NT5C2: variants seen among roughly 807,000 people sequenced by gnomAD.
NT5C2 encodes the protein cytosolic purine 5'-nucleotidase.
Under a neutral mutation model 76.1 loss-of-function variants are expected in NT5C2, and 58 were observed. The ratio of observed to expected loss-of-function variants is 0.76; its 90% confidence interval spans 0.62 to 0.95. The LOEUF is 0.95. NT5C2 is among the 40% of genes least tolerant of loss of function. The pLI is 0.00. For synonymous variants in NT5C2, 229 were observed against 237.4 expected, an observed-to-expected ratio of 0.96 and a Z score of 0.32; for missense variants, 478 against 690.3, an observed-to-expected ratio of 0.69 and a Z score of 3.45.
Position 103,125,440 on chromosome 10 carries a change from G to A in NT5C2, c.175+13966C>T, listed in dbSNP as rs554771174. ...ATTGTGGTGGCGTGGAAAGATGATG[G>A]AAAGAAAAAAAAATCACTTCTTACA... On this transcript the variant is annotated intron_variant, in intron 4 of 18. Coordinates refer to ENST00000404739, the MANE Select transcript of NT5C2 (RefSeq NM_001351169.2). 9.1e-4 allele frequency: 223 copies of A among 245,472 alleles called. 1 individual carries two copies. Among genetic ancestry groups the A allele is most frequent in the Non-Finnish European group, 1.5e-3 (183 of 124,858 alleles). 15.2% of individuals were successfully genotyped at this position (245,472 alleles called of 1,614,324 possible). A position where few individuals can be genotyped will look rare whatever the true frequency, so the allele number is the denominator to read the frequency against.
At chr10:103,182,782 C>T (rs1043651022) in intron 1 of NT5C2, among the ~76,000 whole-genome samples, 16 of 152,116 alleles carry the variant, frequency 1.1e-4, no homozygotes, top group Non-Finnish European at 1.9e-4. Flanking sequence ...TTATTTTGGT[C>T]TCTAAATACA....
chr10:103,170,790 G>T (rs993340677), intron 3 of NT5C2, among the ~76,000 whole-genome samples: 1 of 151,928 alleles, frequency 6.6e-6, no homozygotes, highest in Non-Finnish European at 1.5e-5. Context: ...GCCTCCCAAA[G>T]TGTGTGGACT....
At chr10:103,176,688 C>T (rs1309904529) in intron 2 of NT5C2, among the ~76,000 whole-genome samples, 1 of 152,070 alleles carries the variant, frequency 6.6e-6, no homozygotes. Flanking sequence ...GAGACCGGGG[C>T]GAGGGGGTCT....
intron 3 of NT5C2, among the ~76,000 whole-genome samples, chr10:103,155,422 A>G (rs1266489740): frequency 1.3e-5 from 2 of 152,218 alleles, no homozygotes; most frequent in Non-Finnish European, 2.9e-5. Context: ...ACAAAACTTA[A>G]ATGCTGGGAT....
At chr10:103,170,111 A>G (rs2087504925) in intron 3 of NT5C2, among the ~76,000 whole-genome samples, 1 of 152,144 alleles carries the variant, frequency 6.6e-6, no homozygotes, top group African/African-American at 2.4e-5. Context: ...TGGGCTACAG[A>G]GCGAGACTCT....
chr10:103,113,810 T>C (rs1030511743), intron 4 of NT5C2, among the ~76,000 whole-genome samples: 1 of 152,216 alleles, frequency 6.6e-6, no homozygotes, highest in Non-Finnish European at 1.5e-5. Context: ...AACCTATGCA[T>C]GATTTATGTC....
chr10:103,105,660 GTTTGAC>G (rs770599734), intron 6 of NT5C2, 40 bp downstream of exon 6: 22 of 1,240,338 alleles, frequency 1.8e-5, no homozygotes, highest in Non-Finnish European at 2.5e-5. Flanking sequence ...TCTTCACATT[GTTTGAC>G]TTTAACATTA....
rs145269700 is a variant in NT5C2 at position 103,093,360 on chromosome 10, C to T, written c.989-51G>A. 321 of 1,437,400 alleles carry T rather than the reference C, an allele frequency of 2.2e-4. 1 individual carries two copies. In the African/African-American group the frequency reaches 4.2e-3, roughly 19 times the overall value. The allele number at this position is 1,437,400 out of a possible 1,614,324, so 89.0% of individuals were successfully genotyped here. On this transcript the variant is annotated intron_variant, in intron 14 of 18. Coordinates refer to ENST00000404739, the MANE Select transcript of NT5C2 (RefSeq NM_001351169.2). ...AAAACTGTCCCTATATTAAAATCAG[C>T]ATTCCAATAGTATTTAACCATTAAA...
Position 103,089,732 on chromosome 10 carries a change from C to T in NT5C2, c.1626G>A (p.Gln542=), listed in dbSNP as rs935178030. 3.7e-6 allele frequency: 6 copies of T among 1,613,604 alleles called. No individual in the cohort carries two copies. Among genetic ancestry groups the T allele is most frequent in the African/African-American group, 1.3e-5 (1 of 74,986 alleles). Residue 542 remains glutamine (Q), a synonymous_variant, in exon 19 of 19, where the codon CAG becomes CAA. Transcript: ENST00000404739. ...CTTCGTCATGGCAGTGTGTAATTTC[C>T]TGGGGGGCCAGTGGGAAGAGGTTGG... is the stretch of plus-strand genomic sequence containing the variant. ...KPPNLFPLAP[Q]EITHCHDEDD... is the part of the protein sequence containing the mutation.
At chr10:103,105,642 T>C (rs1407174492) in intron 6 of NT5C2, 64 bp downstream of exon 6, 2 of 1,032,346 alleles carry the variant, frequency 1.9e-6, no homozygotes, top group East Asian at 4.8e-5. Context: ...TCTGGGGAGA[T>C]GATGTCATCT....
chr10:103,163,252 T>C (rs1164143015), intron 3 of NT5C2, among the ~76,000 whole-genome samples: 2 of 152,230 alleles, frequency 1.3e-5, no homozygotes, highest in Non-Finnish European at 2.9e-5. Flanking sequence ...ATAAACATTA[T>C]CCATTGTGTG....
rs922807236 is a variant in NT5C2 at position 103,164,783 on chromosome 10, T to C, written c.101+10075A>G. On this transcript the variant is annotated intron_variant, in intron 3 of 18. Coordinates refer to ENST00000404739, the MANE Select transcript of NT5C2 (RefSeq NM_001351169.2). ...ATCTAAATGTAAATATAAATGATAC[T>C]TCCTCAACATAAGTTTCTTCTTATA... Among the ~76,000 whole-genome samples the C allele has an allele frequency of 3.3e-5, 5 of 152,214 alleles. No individual in the cohort carries two copies. The South Asian group carries it at 1.0e-3, about 32-fold the overall frequency.
At chr10:103,136,789 T>A (rs940044913) in intron 4 of NT5C2, among the ~76,000 whole-genome samples, 6 of 151,986 alleles carry the variant, frequency 3.9e-5, no homozygotes, top group African/African-American at 1.5e-4. Flanking sequence ...CACACCCAAC[T>A]AATTTTTGTA....
At chr10:103,173,710 A>G (rs2088954000) in intron 3 of NT5C2, among the ~76,000 whole-genome samples, 1 of 150,108 alleles carries the variant, frequency 6.7e-6, no homozygotes, top group Non-Finnish European at 1.5e-5. Flanking sequence ...GTGGATCACG[A>G]GGTCTGGAGT....
At chr10:103,097,914 C>A (rs1324579901) in intron 10 of NT5C2, 1 of 447,860 alleles carries the variant, frequency 2.2e-6, no homozygotes, top group Non-Finnish European at 4.3e-6. Context: ...AGAAAAATAT[C>A]TTTTCCTTCT....
At chr10:103,175,034 G>A in intron 2 of NT5C2, 52 bp from the exon 3 acceptor site, 3 of 1,017,750 alleles carry the variant, frequency 2.9e-6, no homozygotes, top group Non-Finnish European at 4.5e-6. Flanking sequence ...TCTGTATACT[G>A]ACATCTGATT....
At chr10:103,144,938 T>C (rs1386501908) in intron 3 of NT5C2, among the ~76,000 whole-genome samples, 2 of 152,164 alleles carry the variant, frequency 1.3e-5, no homozygotes, top group Non-Finnish European at 2.9e-5. Context: ...ATCACTTCTG[T>C]CTCCCCCCAA....
chr10:103,111,012 AAGCC>A (rs1451212007), intron 4 of NT5C2, among the ~76,000 whole-genome samples: 2 of 152,180 alleles, frequency 1.3e-5, no homozygotes, highest in Non-Finnish European at 2.9e-5. Context: ...AGGCCCTACA[AAGCC>A]AGCCTCAGAT....
At chr10:103,128,481 C>A (rs1206641616) in intron 4 of NT5C2, among the ~76,000 whole-genome samples, 2 of 111,914 alleles carry the variant, frequency 1.8e-5, no homozygotes, top group East Asian at 2.6e-4. Flanking sequence ...CTCTGCCCGG[C>A]CACCACCCCG....
Sources: gnomAD v4.1 joint callset for allele counts (sites outside exome capture counted in the v4.1 genomes callset) on GRCh38, gnomAD v4.1.1 for gene constraint, MANE v1.5 for transcripts, NCBI Gene and HGNC (gene_info 2026-07-23, HGNC 2026-07-21) for gene names.